PUS10: variants seen among roughly 807,000 people sequenced by gnomAD.
PUS10 encodes tRNA pseudouridine synthase Pus10.
In PUS10, 59 loss-of-function variants were observed where a neutral mutation model predicts 75.0. The ratio of observed to expected loss-of-function variants is 0.79; its 90% CI spans 0.64 to 0.98. The LOEUF (loss-of-function observed/expected upper bound fraction) is 0.98, where lower values mean the gene tolerates loss of function less well. Among genes scored for constraint, PUS10 ranks in the 50% least tolerant of loss-of-function variants. PUS10 has a pLI of 0.00. For synonymous variants in PUS10, 219 were observed against 211.6 expected (o/e 1.03, Z -0.30); for missense variants, 650 against 614.4 (o/e 1.06, Z -0.61).
At chr2:61,015,216 C>A (rs1386332246) in intron 1 of PUS10, among the ~76,000 whole-genome samples, 2 of 152,142 alleles carry the variant, frequency 1.3e-5, no homozygotes, top group Non-Finnish European at 2.9e-5. Context: ...TAATGAAGAT[C>A]TGGCCAGGCC....
chr2:60,971,582 G>C, intron 4 of PUS10, 25 bp from the exon 5 acceptor site: 2 of 1,610,620 alleles, frequency 1.2e-6, no homozygotes, highest in Non-Finnish European at 1.7e-6. Context: ...GTCACACCCA[G>C]AAAGAGAAAA....
intron 3 of PUS10, 101 bp downstream of exon 3, chr2:61,008,660 G>T: frequency 9.9e-7 from 1 of 1,011,020 alleles, no homozygotes; most frequent in Non-Finnish European, 1.4e-6. Context: ...ACCCAAAAAA[G>T]AATTGTCTTG....
chr2:60,975,083 C>G (rs1282715802), intron 4 of PUS10, among the ~76,000 whole-genome samples: 1 of 152,164 alleles, frequency 6.6e-6, no homozygotes, highest in African/African-American at 2.4e-5. Context: ...TACAAGACCC[C>G]TTCCTTTTTT....
At chr2:61,015,076 T>C (rs548336321) in intron 1 of PUS10, among the ~76,000 whole-genome samples, 4 of 152,260 alleles carry the variant, frequency 2.6e-5, no homozygotes, top group East Asian at 3.9e-4. Context: ...GGACACACCA[T>C]ACAAGCTGAC....
chr2:60,959,269 T>C (rs1675865129), intron 11 of PUS10, among the ~76,000 whole-genome samples: 1 of 152,248 alleles, frequency 6.6e-6, no homozygotes, highest in Non-Finnish European at 1.5e-5. Context: ...TGTGTTTTAA[T>C]TTCCTCATAT....
chr2:60,953,841 T>C, intron 14 of PUS10, 92 bp downstream of exon 14: 2 of 930,178 alleles, frequency 2.2e-6, no homozygotes, highest in Admixed American at 1.9e-5. Flanking sequence ...TAAGAGTTCT[T>C]TATATATTCT....
rs539334321 is a variant in PUS10, at chr2:60,987,576, A to G, written c.469-16019T>C. On this transcript the variant is annotated intron_variant, in intron 4 of 17. Transcript: ENST00000316752. Reference sequence around the variant, plus strand: ...TCAAGCAAATTTTTGGAGAATGGCAATGTGATGAGCTATTCATATATCACC... The same window carrying G: ...TCAAGCAAATTTTTGGAGAATGGCAGTGTGATGAGCTATTCATATATCACC... Among the ~76,000 whole-genome samples the G allele has an allele frequency of 2.6e-5, 4 of 152,318 alleles. No homozygotes were observed. The East Asian group carries it at 7.7e-4, about 29-fold the overall frequency.
At chr2:60,967,686 A>G (rs757566969) in intron 5 of PUS10, 73 bp from the exon 6 acceptor site, 25 of 996,468 alleles carry the variant, frequency 2.5e-5, no homozygotes, top group Non-Finnish European at 2.1e-5. Flanking sequence ...AATTTATGCA[A>G]TTATTTTTAA....
chr2:61,003,701 C>T (rs569240288), intron 4 of PUS10, among the ~76,000 whole-genome samples: 1 of 151,858 alleles, frequency 6.6e-6, no homozygotes, highest in East Asian at 2.0e-4. Context: ...CGCATCACCA[C>T]ACCCAGCTAA....
At position 60,941,067 on chromosome 2, in the gene PUS10, A is replaced by G. The variant is rs149167253; in HGVS notation, c.*1328T>C. The G allele has an allele frequency of 3.9e-3, 601 of 152,408 alleles. 6 individuals carry two copies. The highest frequency in any genetic ancestry group is 0.013 in the African/African-American group (559 of 41,554). 9.4% of individuals were successfully genotyped at this position (152,408 alleles called of 1,614,324 possible). On this transcript the variant is annotated 3_prime_UTR_variant, in exon 18 of 18. Coordinates refer to ENST00000316752, the MANE Select transcript of PUS10 (RefSeq NM_144709.4). ...AGTAATCTAATACTAGTCAAGTCAC[A>G]TGTATTCTTAAAAAAAGCTCAAATA... is the stretch of plus-strand genomic sequence containing the variant.
chr2:60,961,647 A>G (rs1166150768), intron 9 of PUS10, 99 bp from the exon 10 acceptor site: 1 of 1,018,732 alleles, frequency 9.8e-7, no homozygotes, highest in East Asian at 2.4e-5. Context: ...ACAGAGCCCA[A>G]GTCTCTCTCT....
At chr2:60,989,575 C>T (rs1033700811) in intron 4 of PUS10, among the ~76,000 whole-genome samples, 5 of 152,050 alleles carry the variant, frequency 3.3e-5, no homozygotes, top group Non-Finnish European at 2.9e-5. Flanking sequence ...GCTCAGTATT[C>T]GGTAAAGCTC....
chr2:60,953,169 C>T, intron 14 of PUS10, 55 bp from the exon 15 acceptor site: 1 of 976,840 alleles, frequency 1.0e-6, no homozygotes, highest in South Asian at 1.4e-5. Context: ...ACAAAAAAAC[C>T]TTGCCCTGAA....
chr2:60,947,662 T>C (rs973944586), intron 16 of PUS10, among the ~76,000 whole-genome samples: 6 of 151,866 alleles, frequency 4.0e-5, no homozygotes, highest in Admixed American at 3.3e-4. Context: ...ACCCCGTCTT[T>C]ACTAAAAATA....
At chr2:60,991,791 A>T (rs574523358) in intron 4 of PUS10, among the ~76,000 whole-genome samples, 1 of 152,196 alleles carries the variant, frequency 6.6e-6, no homozygotes, top group East Asian at 1.9e-4. Flanking sequence ...CTGTTTAACA[A>T]TGTACTAGCG....
chr2:61,013,300 C>G (rs1388557122), intron 1 of PUS10, among the ~76,000 whole-genome samples: 1 of 151,156 alleles, frequency 6.6e-6, no homozygotes, highest in Non-Finnish European at 1.5e-5. Context: ...AATGATCTAA[C>G]CTCTCTTGTC....
At chr2:60,951,677 T>C (rs552515998) in intron 15 of PUS10, among the ~76,000 whole-genome samples, 4 of 152,312 alleles carry the variant, frequency 2.6e-5, no homozygotes, top group Non-Finnish European at 5.9e-5. Flanking sequence ...AGATGAAGCT[T>C]TGCTGTCTCA....
At chr2:60,978,498 G>T (rs1423756452) in intron 4 of PUS10, among the ~76,000 whole-genome samples, 1 of 151,348 alleles carries the variant, frequency 6.6e-6, no homozygotes, top group African/African-American at 2.4e-5. Context: ...GAAACCCAAA[G>T]GTGCAAATGC....
At chr2:60,973,962 T>C (rs774230896) in intron 4 of PUS10, among the ~76,000 whole-genome samples, 11 of 151,892 alleles carry the variant, frequency 7.2e-5, no homozygotes, top group South Asian at 2.1e-4. Flanking sequence ...GAAGAAACGA[T>C]AGGACGACCT....
Sources: allele counts gnomAD v4.1 joint callset (sites outside exome capture counted in the v4.1 genomes callset), GRCh38; gene constraint gnomAD v4.1.1; transcripts MANE v1.5; gene names NCBI Gene and HGNC (gene_info 2026-07-23, HGNC 2026-07-21).